CCDC134: variants seen among roughly 807,000 people sequenced by gnomAD.
CCDC134 encodes the protein coiled-coil domain-containing protein 134.
In CCDC134, 27 loss-of-function variants were observed where a neutral mutation model predicts 25.6. The ratio of observed to expected loss-of-function variants is 1.05; its 90% confidence interval spans 0.78 to 1.45. The LOEUF is 1.45. Ranked by LOEUF, CCDC134 falls within the 40% of genes most tolerant of loss-of-function variation. The probability of loss-of-function intolerance (pLI) is 0.00; values close to 1 mark genes in which losing one functional copy is unlikely to be tolerated. For synonymous variants in CCDC134, 110 were observed against 115.0 expected (o/e 0.96, Z 0.28); for missense variants, 261 against 286.7 (o/e 0.91, Z 0.65).
At chr22:41,801,180 C>T (rs1325347265) in intron 1 of CCDC134, among the ~76,000 whole-genome samples, 1 of 152,220 alleles carries the variant, frequency 6.6e-6, no homozygotes, top group Non-Finnish European at 1.5e-5. Context: ...TGGTATTCTC[C>T]TTGGCCCCTA....
intron 4 of CCDC134, among the ~76,000 whole-genome samples, chr22:41,812,757 T>C (rs1163304308): frequency 6.6e-6 from 1 of 152,176 alleles, no homozygotes; most frequent in Non-Finnish European, 1.5e-5. Context: ...TGTGTGGCCA[T>C]CCTAAGATAC....
intron 1 of CCDC134, among the ~76,000 whole-genome samples, chr22:41,805,654 G>T (rs1007890457): frequency 1.3e-5 from 2 of 152,138 alleles, no homozygotes; most frequent in Non-Finnish European, 2.9e-5. Flanking sequence ...CATTACTCTG[G>T]CAGGGTGGCT....
intron 2 of CCDC134, among the ~76,000 whole-genome samples, 183 bp downstream of exon 2, chr22:41,809,176 A>G (rs1350216457): frequency 6.6e-6 from 1 of 152,146 alleles, no homozygotes; most frequent in East Asian, 1.9e-4. Context: ...CGTATGGTAA[A>G]TGGAGATGAC....
Position 41,810,290 on chromosome 22 carries a change from T to C in CCDC134, c.309T>C (p.Asp103=). ...GPFPQDEKLK[D]AFSHVVENTA... The stretch of plus-strand genomic sequence containing the variant: ...TCCCCCAGGACGAGAAGCTGAAGGA[T>C]GGTATGGTCTGCCCTGCCCCGCCCT... The change falls in exon 4 of 7, where the codon GAT becomes GAC. Residue 103 remains aspartate (D), a splice_region_variant and synonymous_variant. Transcript: ENST00000255784. 1 of 1,613,478 alleles carries C rather than the reference T, an allele frequency of 6.2e-7. No individual in the cohort carries two copies. The highest frequency in any genetic ancestry group is 1.7e-5 in the Admixed American group (1 of 59,958).
chr22:41,815,773 T>C (rs930525337), intron 6 of CCDC134, among the ~76,000 whole-genome samples: 1 of 152,004 alleles, frequency 6.6e-6, no homozygotes, highest in African/African-American at 2.4e-5. Flanking sequence ...GCCTCCTGAG[T>C]AGCTGGGACG....
intron 6 of CCDC134, among the ~76,000 whole-genome samples, chr22:41,822,578 A>G (rs1190332780): frequency 2.6e-5 from 4 of 152,188 alleles, no homozygotes; most frequent in African/African-American, 9.7e-5. Flanking sequence ...TAGGTGGGGA[A>G]GGGAACAGGG....
intron 4 of CCDC134, among the ~76,000 whole-genome samples, chr22:41,811,554 G>A (rs1222791127): frequency 6.6e-6 from 1 of 152,044 alleles, no homozygotes; most frequent in Non-Finnish European, 1.5e-5. Context: ...TCAGCCTCCC[G>A]AGTAGCTGGA....
rs917138379 is a variant in CCDC134, at chr22:41,825,563, A to G, written c.565-135A>G. ...CCCACTCAGCAGTTCTCCCAAACCC[A>G]TTTCCTGTCTCCGTGTCTGGGGCAG... On this transcript the variant is annotated intron_variant, in intron 6 of 6. Transcript: ENST00000255784. The surrounding 1 kb of genome is among the most constrained non-coding windows in gnomAD (Gnocchi z 4.4). The G allele has an allele frequency of 8.4e-7, 1 of 1,186,136 alleles. No homozygotes were observed. The highest frequency in any genetic ancestry group is 1.2e-6 in the Non-Finnish European group (1 of 844,074). The allele number at this position is 1,186,136 out of a possible 1,614,324, so 73.5% of individuals were successfully genotyped here.
At chr22:41,804,293 G>A (rs1270096611) in intron 1 of CCDC134, among the ~76,000 whole-genome samples, 1 of 152,154 alleles carries the variant, frequency 6.6e-6, no homozygotes, top group Non-Finnish European at 1.5e-5. Context: ...CTTCCTGTGT[G>A]ACCCATACAT....
chr22:41,816,065 C>G (rs533518847), intron 6 of CCDC134, among the ~76,000 whole-genome samples: 1 of 152,182 alleles, frequency 6.6e-6, no homozygotes, highest in Admixed American at 6.6e-5. Context: ...CTGTTATCCA[C>G]GACCACCCAC....
intron 1 of CCDC134, among the ~76,000 whole-genome samples, chr22:41,801,277 C>G (rs567627556): frequency 1.3e-5 from 2 of 152,164 alleles, no homozygotes; most frequent in Non-Finnish European, 2.9e-5. Context: ...TGGACTATTC[C>G]TTCTCTAGGT....
chr22:41,803,063 G>A (rs1192252723), intron 1 of CCDC134, among the ~76,000 whole-genome samples: 2 of 151,982 alleles, frequency 1.3e-5, no homozygotes, highest in African/African-American at 2.4e-5. Flanking sequence ...GCGGTGAGCC[G>A]AGATCGCACC....
intron 1 of CCDC134, among the ~76,000 whole-genome samples, chr22:41,807,890 G>C (rs898679842): frequency 6.6e-6 from 1 of 151,922 alleles, no homozygotes; most frequent in Admixed American, 6.6e-5. Context: ...GGCCGGGCGC[G>C]GTGGCTCACA....
At chr22:41,809,842 G>A (rs762294056) in intron 2 of CCDC134, 37 bp from the exon 3 acceptor site, 1 of 1,613,276 alleles carries the variant, frequency 6.2e-7, no homozygotes, top group Non-Finnish European at 8.5e-7. Context: ...TCCAGGCAGG[G>A]CTATTGATGC....
At chr22:41,813,574 C>A in intron 5 of CCDC134, 129 bp downstream of exon 5, 2 of 1,270,170 alleles carry the variant, frequency 1.6e-6, no homozygotes, top group South Asian at 2.8e-5. Flanking sequence ...TTCAGGGTAT[C>A]TTGGGCCACA....
chr22:41,820,108 G>T (rs2076643708), intron 6 of CCDC134, among the ~76,000 whole-genome samples: 1 of 149,384 alleles, frequency 6.7e-6, no homozygotes, highest in Non-Finnish European at 1.5e-5. Flanking sequence ...CCATTCTCCT[G>T]CCTCAGCCTC....
rs562061786 is a variant in CCDC134 at position 41,827,695 on chromosome 22, C to T, written c.*1872C>T. The stretch of plus-strand genomic sequence containing the variant: ...GCATATACCCTATGGGGAGGATATT[C>T]CCTGTTATAGCTGAAGCGTGAATTG... On this transcript the variant is annotated 3_prime_UTR_variant, in exon 7 of 7. Transcript: ENST00000255784. 6.6e-6 allele frequency among the ~76,000 whole-genome samples: 1 copy of T among 152,304 alleles called. No homozygotes were observed. Among genetic ancestry groups the T allele is most frequent in the Non-Finnish European group, 1.5e-5 (1 of 68,006 alleles).
At position 41,825,006 on chromosome 22, in the gene CCDC134, G is replaced by A. The variant is rs2076669599; in HGVS notation, c.565-692G>A. 6.6e-6 allele frequency among the ~76,000 whole-genome samples: 1 copy of A among 152,072 alleles called. No individual in the cohort carries two copies. The highest frequency in any genetic ancestry group is 2.1e-4 in the South Asian group (1 of 4,826). ...AGAGGGAATGCCGGGTGCAGGTGGG[G>A]CTCCTCGGTTTCTGCCCTGCTGCTC... On this transcript the variant is annotated intron_variant, in intron 6 of 6. Transcript: ENST00000255784. The surrounding 1 kb of genome is among the most constrained non-coding windows in gnomAD (Gnocchi z 4.4).
intron 6 of CCDC134, among the ~76,000 whole-genome samples, chr22:41,817,730 T>TTAAA (rs139570): frequency 0.34 from 48,170 of 141,530 alleles, 9,020 homozygotes; most frequent in Admixed American, 0.49. Flanking sequence ...AGACTCTGTC[T>TTAAA]TAAATAAATA....
Sources: allele counts gnomAD v4.1 joint callset (sites outside exome capture counted in the v4.1 genomes callset), GRCh38; gene constraint gnomAD v4.1.1; non-coding constraint Gnocchi (gnomAD v3.1); transcripts MANE v1.5; gene names NCBI Gene and HGNC (gene_info 2026-07-23, HGNC 2026-07-21).